The following FKTN variants were observed in gnomAD, a reference collection of about 807,000 sequenced individuals.
FKTN encodes the protein fukutin.
In FKTN, 47 loss-of-function variants were observed where a neutral mutation model predicts 58.6. That is an observed-to-expected ratio of 0.80 (90% confidence interval 0.63 to 1.02). FKTN has a LOEUF of 1.02. FKTN is among the 50% of genes least tolerant of loss of function. The pLI is 0.00. For synonymous variants in FKTN, 178 were observed against 191.9 expected, an observed-to-expected ratio of 0.93 and a Z score of 0.60; for missense variants, 516 against 537.3, an observed-to-expected ratio of 0.96 and a Z score of 0.39.
rs1834323952 is a variant in FKTN, at chr9:105,640,158, C to T, written c.*4894C>T. 6.5e-7 allele frequency: 1 copy of T among 1,534,988 alleles called. No individual in the cohort carries two copies. The highest frequency in any genetic ancestry group is 1.4e-5 in the African/African-American group (1 of 73,000). ...AAGCTGCTTCACATCAGACTGAAAT[C>T]CTAATTACAGTTCATAAGTGAAACA... On this transcript the variant is annotated 3_prime_UTR_variant, in exon 11 of 11. Transcript: ENST00000357998.
chr9:105,638,318 C>T lies in FKTN; in HGVS notation c.*3054C>T. On this transcript the variant is annotated 3_prime_UTR_variant, in exon 11 of 11. Transcript: ENST00000357998. The stretch of plus-strand genomic sequence containing the variant: ...GTATCTTTTTGTTCAGATTGAGAAC[C>T]TAAGGCGACAGAGAGGTCAAGGGGA... The T allele has an allele frequency of 1.0e-6, 1 of 985,422 alleles. No homozygotes were observed. The highest frequency in any genetic ancestry group is 1.2e-6 in the Non-Finnish European group (1 of 829,928). The allele number at this position is 985,422 out of a possible 1,614,324, so 61.0% of individuals were successfully genotyped here.
Position 105,613,461 on chromosome 9 carries a change from C to T in FKTN, c.781-1817C>T, listed in dbSNP as rs1261556508. 3.3e-5 allele frequency among the ~76,000 whole-genome samples: 5 copies of T among 152,172 alleles called. No individual in the cohort carries two copies. The East Asian group carries it at 7.7e-4, about 23-fold the overall frequency. ...TTGCTTAAGATTCATATAGTCCATCCAGGATCTATATTCTTTCCTACTATA... is the reference window on the plus strand; with the variant it reads ...TTGCTTAAGATTCATATAGTCCATCTAGGATCTATATTCTTTCCTACTATA... On this transcript the variant is annotated intron_variant, in intron 7 of 10. Transcript: ENST00000357998.
At position 105,581,391 on chromosome 9, in the gene FKTN, G is replaced by C. The variant is rs1037382043; in HGVS notation, c.105+6254G>C. 4.7e-5 allele frequency among the ~76,000 whole-genome samples: 7 copies of C among 148,426 alleles called. No individual in the cohort carries two copies. The South Asian group carries it at 1.5e-3, about 32-fold the overall frequency. On this transcript the variant is annotated intron_variant, in intron 3 of 10. Coordinates refer to ENST00000357998, the MANE Select transcript of FKTN (RefSeq NM_001079802.2). ...TGTTAGTTTTCCTTCTAACAGACAG[G>C]ACCCTCAGCTGCAGGTCTGTTGGAG...
chr9:105,606,884 A>G (rs1828995909), intron 6 of FKTN, among the ~76,000 whole-genome samples: 1 of 151,764 alleles, frequency 6.6e-6, no homozygotes, highest in Non-Finnish European at 1.5e-5. Context: ...AAATGAGTAG[A>G]GATGGAGAAC....
At chr9:105,561,109 A>G (rs1838224531) in intron 1 of FKTN, among the ~76,000 whole-genome samples, 1 of 151,718 alleles carries the variant, frequency 6.6e-6, no homozygotes, top group African/African-American at 2.4e-5. Context: ...AAAACAAAAC[A>G]AAAAACAAAC....
At chr9:105,633,705 G>A (rs1348758549) in intron 10 of FKTN, among the ~76,000 whole-genome samples, 1 of 152,192 alleles carries the variant, frequency 6.6e-6, no homozygotes, top group Non-Finnish European at 1.5e-5. Flanking sequence ...GAGTAAAAGG[G>A]AGTTGTTGCT....
At chr9:105,571,033 T>C (rs2131925510) in intron 1 of FKTN, among the ~76,000 whole-genome samples, 1 of 152,298 alleles carries the variant, frequency 6.6e-6, no homozygotes, top group South Asian at 2.1e-4. Context: ...TGAATACCCC[T>C]TTATACCATT....
intron 3 of FKTN, among the ~76,000 whole-genome samples, chr9:105,578,953 T>C (rs1442024475): frequency 1.3e-5 from 2 of 152,078 alleles, no homozygotes; most frequent in African/African-American, 4.8e-5. Flanking sequence ...CTAGTTTATT[T>C]GTGTAGAGGT....
chr9:105,603,449 TATG>T (rs1564288498), intron 5 of FKTN, among the ~76,000 whole-genome samples: 1 of 152,238 alleles, frequency 6.6e-6, no homozygotes. Context: ...GGTGTTCTAT[TATG>T]GTAGTATTTT....
At chr9:105,618,625 C>T (rs1831252611) in intron 9 of FKTN, among the ~76,000 whole-genome samples, 1 of 152,118 alleles carries the variant, frequency 6.6e-6, no homozygotes, top group Admixed American at 6.5e-5. Context: ...GCAGTTTGCT[C>T]AGACATCAAC....
intron 1 of FKTN, among the ~76,000 whole-genome samples, chr9:105,573,268 A>C (rs1841087135): frequency 6.6e-6 from 1 of 152,020 alleles, no homozygotes; most frequent in African/African-American, 2.4e-5. Flanking sequence ...TGTAGTTCTG[A>C]AAATAGAGAA....
chr9:105,580,388 C>A (rs1463723716), intron 3 of FKTN, among the ~76,000 whole-genome samples: 1 of 150,148 alleles, frequency 6.7e-6, no homozygotes, highest in Non-Finnish European at 1.5e-5. Context: ...TCAGCATTTG[C>A]TTGTCTGTAA....
At chr9:105,629,066 A>G (rs1020267518) in intron 10 of FKTN, among the ~76,000 whole-genome samples, 1 of 152,174 alleles carries the variant, frequency 6.6e-6, no homozygotes, top group Non-Finnish European at 1.5e-5. Context: ...CTTATACCTC[A>G]AAAGAAGTTA....
At chr9:105,560,866 A>C (rs1472853645) in intron 1 of FKTN, among the ~76,000 whole-genome samples, 1 of 152,162 alleles carries the variant, frequency 6.6e-6, no homozygotes, top group Non-Finnish European at 1.5e-5. Flanking sequence ...AGGTGGATGG[A>C]TCACGAGGTC....
intron 1 of FKTN, among the ~76,000 whole-genome samples, chr9:105,573,259 G>T (rs942494791): frequency 2.6e-5 from 4 of 151,582 alleles, no homozygotes; most frequent in African/African-American, 7.3e-5. Context: ...ATGCTTAATT[G>T]TAGTTCTGAA....
chr9:105,623,954 A>G (rs2133287443), intron 10 of FKTN, among the ~76,000 whole-genome samples: 1 of 152,302 alleles, frequency 6.6e-6, no homozygotes, highest in South Asian at 2.1e-4. Context: ...TGATTTTTAA[A>G]TTAGTTTATT....
chr9:105,639,994 A>G lies in FKTN; in HGVS notation c.*4730A>G, dbSNP rs1021956328. ...GAAGAAATCTGGAATACTTAATTTC[A>G]TTTAATTATCTATGCTGATGAATGC... On this transcript the variant is annotated 3_prime_UTR_variant, in exon 11 of 11. Coordinates refer to ENST00000357998, the MANE Select transcript of FKTN (RefSeq NM_001079802.2). 11 of 1,517,554 alleles carry G rather than the reference A, an allele frequency of 7.2e-6. No homozygotes were observed. Among genetic ancestry groups the G allele is most frequent in the Non-Finnish European group, 9.7e-6 (11 of 1,135,008 alleles). 94.0% of individuals were successfully genotyped at this position (1,517,554 alleles called of 1,614,324 possible). A position where few individuals can be genotyped will look rare whatever the true frequency, so the allele number is the denominator to read the frequency against.
intron 1 of FKTN, among the ~76,000 whole-genome samples, chr9:105,568,171 C>T (rs1488591295): frequency 2.0e-5 from 3 of 152,200 alleles, no homozygotes; most frequent in South Asian, 2.1e-4. Context: ...AAATGTTAGA[C>T]CTAAAACCAT....
rs778836844 is a variant in FKTN, at chr9:105,604,265, T to G, written c.420T>G (p.Ile140Met). Residue 140 changes from isoleucine (I) to methionine (M), a missense_variant, in exon 6 of 11, where the codon ATT (isoleucine) becomes ATG (methionine). By Grantham distance (10) the Ile-to-Met change is conservative. Transcript: ENST00000357998. ...AENMGFQCLK[I>M]ESKDPRLDGI... ...ATATGGGATTTCAGTGCCTAAAGAT[T>G]GAGAGTAAAGATCCCCGGCTAGACG... 8 of 1,613,152 alleles carry G rather than the reference T, an allele frequency of 5.0e-6. No homozygotes were observed. Among genetic ancestry groups the G allele is most frequent in the East Asian group, 2.2e-5 (1 of 44,874 alleles).
Sources: gnomAD v4.1 joint callset for allele counts (sites outside exome capture counted in the v4.1 genomes callset) on GRCh38, gnomAD v4.1.1 for gene constraint, MANE v1.5 for transcripts, NCBI Gene and HGNC (gene_info 2026-07-23, HGNC 2026-07-21) for gene names.